Variants in UNC5C observed in about 807,000 individuals in gnomAD.
The protein encoded by UNC5C is netrin receptor UNC5C.
Under a neutral mutation model 99.8 loss-of-function variants are expected in UNC5C, and 47 were observed. The observed-to-expected ratio is 0.47, with a 90% confidence interval of 0.37 to 0.60. The LOEUF (loss-of-function observed/expected upper bound fraction) is 0.60, where lower values mean the gene tolerates loss of function less well. UNC5C is among the 20% of genes least tolerant of loss of function. The pLI is 0.00. For missense variants in UNC5C, 1,062 were observed against 1,165.9 expected (o/e 0.91, Z 1.30); for synonymous variants, 487 against 452.2 (o/e 1.08, Z -0.98).
chr4:95,502,777 C>T (rs1721810136), intron 1 of UNC5C, among the ~76,000 whole-genome samples: 1 of 152,040 alleles, frequency 6.6e-6, no homozygotes, highest in Admixed American at 6.6e-5. Context: ...CTGTAACTTC[C>T]TCTTAGGGAA....
chr4:95,437,585 A>T (rs1746830805), intron 1 of UNC5C, among the ~76,000 whole-genome samples: 1 of 152,058 alleles, frequency 6.6e-6, no homozygotes, highest in Non-Finnish European at 1.5e-5. Flanking sequence ...AAAATAAGAA[A>T]CTATAAAATA....
intron 1 of UNC5C, among the ~76,000 whole-genome samples, chr4:95,433,584 T>C (rs76119048): frequency 0.038 from 5,724 of 152,202 alleles, 367 homozygotes; most frequent in African/African-American, 0.13. Flanking sequence ...TTTTATCTTT[T>C]TGATGCATTT....
At chr4:95,238,876 C>T (rs1037163619) in intron 7 of UNC5C, among the ~76,000 whole-genome samples, 2 of 152,174 alleles carry the variant, frequency 1.3e-5, no homozygotes, top group Non-Finnish European at 2.9e-5. Flanking sequence ...ATGCCTTCCT[C>T]TCTAGACATT....
chr4:95,237,424 A>G (rs963337720), intron 7 of UNC5C, among the ~76,000 whole-genome samples: 4 of 152,194 alleles, frequency 2.6e-5, no homozygotes, highest in East Asian at 3.8e-4. Flanking sequence ...GCATTATTAT[A>G]TCTTTAAAGT....
chr4:95,462,179 C>G (rs535702092), intron 1 of UNC5C, among the ~76,000 whole-genome samples: 1 of 152,082 alleles, frequency 6.6e-6, no homozygotes, highest in African/African-American at 2.4e-5. Context: ...CACTTTCCCC[C>G]CCTTTCTCTT....
intron 3 of UNC5C, among the ~76,000 whole-genome samples, chr4:95,292,269 A>AAT (rs1560773143): frequency 1.8e-4 from 21 of 115,542 alleles, no homozygotes; most frequent in South Asian, 5.3e-4. Flanking sequence ...ATATATATAA[A>AAT]TTTTTTTTGT....
At chr4:95,546,191 T>G (rs865983190) in intron 1 of UNC5C, among the ~76,000 whole-genome samples, 30 of 152,318 alleles carry the variant, frequency 2.0e-4, no homozygotes, top group Non-Finnish European at 2.9e-4. Flanking sequence ...AAGAAATAGT[T>G]CATTTGGATC....
chr4:95,438,721 A>G (rs555357428), intron 1 of UNC5C, among the ~76,000 whole-genome samples: 19 of 152,268 alleles, frequency 1.2e-4, no homozygotes, highest in Admixed American at 2.6e-4. Context: ...GATTATTTCC[A>G]TTCTGCATCT....
intron 4 of UNC5C, among the ~76,000 whole-genome samples, chr4:95,266,165 G>A (rs898621723): frequency 1.3e-5 from 2 of 152,182 alleles, no homozygotes; most frequent in Non-Finnish European, 2.9e-5. Context: ...ATAGGTAGTG[G>A]TTTATGAGTC....
intron 1 of UNC5C, among the ~76,000 whole-genome samples, chr4:95,376,549 T>C (rs1376066974): frequency 2.0e-5 from 3 of 152,126 alleles, no homozygotes; most frequent in African/African-American, 7.2e-5. Context: ...TTTAAATAAC[T>C]CTTTCCAAGT....
intron 1 of UNC5C, among the ~76,000 whole-genome samples, chr4:95,384,634 G>A (rs974057981): frequency 6.6e-6 from 1 of 152,168 alleles, no homozygotes; most frequent in African/African-American, 2.4e-5. Flanking sequence ...ATCCTGGCAG[G>A]AGGTCATTAA....
At chr4:95,508,610 C>A (rs974424420) in intron 1 of UNC5C, among the ~76,000 whole-genome samples, 1 of 151,748 alleles carries the variant, frequency 6.6e-6, no homozygotes. Flanking sequence ...GATGTGTTTT[C>A]GTTTCTCTCC....
chr4:95,256,988 G>GA (rs2149384815), intron 4 of UNC5C, among the ~76,000 whole-genome samples: 1 of 151,978 alleles, frequency 6.6e-6, no homozygotes, highest in Non-Finnish European at 1.5e-5. Context: ...GATAGATGGT[G>GA]CTCACCCAGA....
At chr4:95,279,043 T>C (rs10010041) in intron 3 of UNC5C, among the ~76,000 whole-genome samples, 90,233 of 151,948 alleles carry the variant, frequency 0.59, 26,880 homozygotes, top group East Asian at 0.84. Flanking sequence ...GATTCCCTTA[T>C]GTATATACAT....
chr4:95,514,987 T>C (rs1339578953), intron 1 of UNC5C, among the ~76,000 whole-genome samples: 1 of 152,104 alleles, frequency 6.6e-6, no homozygotes, highest in Non-Finnish European at 1.5e-5. Flanking sequence ...TGAGGAGATA[T>C]TTAAATGGTG....
At chr4:95,228,558 A>G (rs2149371970) in intron 7 of UNC5C, among the ~76,000 whole-genome samples, 1 of 152,282 alleles carries the variant, frequency 6.6e-6, no homozygotes, top group Middle Eastern at 3.4e-3. Context: ...TGGTAAAGGG[A>G]TTTGTCTAAC....
intron 14 of UNC5C, among the ~76,000 whole-genome samples, chr4:95,170,991 T>A (rs943638749): frequency 6.6e-6 from 1 of 152,260 alleles, no homozygotes; most frequent in African/African-American, 2.4e-5. Flanking sequence ...TCCTTATTTT[T>A]TAAAAATCTA....
chr4:95,256,153 T>A (rs1232945160), intron 4 of UNC5C, among the ~76,000 whole-genome samples: 1 of 152,090 alleles, frequency 6.6e-6, no homozygotes, highest in Non-Finnish European at 1.5e-5. Context: ...GTCCTTGGAA[T>A]TCTGCTGCTT....
rs1171870515 is a variant in UNC5C, at chr4:95,400,384, C to CTTTTTTTTTTTT, written c.125-64765_125-64754dup. On this transcript the variant is annotated intron_variant, in intron 1 of 15. Transcript: ENST00000453304. The stretch of plus-strand genomic sequence containing the variant: ...TTCCACAGCCACAGTGAGATGAATT[C>CTTTTTTTTTTTT]TTTTTTTTTTTTTTTTTTTTTTTTT... Among the ~76,000 whole-genome samples, 11 of 65,792 alleles carry CTTTTTTTTTTTT rather than the reference C, an allele frequency of 1.7e-4. 1 individual carries two copies. Among genetic ancestry groups the CTTTTTTTTTTTT allele is most frequent in the African/African-American group, 3.0e-4 (5 of 16,792 alleles). 43.2% of individuals were successfully genotyped at this position (65,792 alleles called of 152,430 possible).
Sources: gnomAD v4.1 joint callset for allele counts (sites outside exome capture counted in the v4.1 genomes callset) on GRCh38, gnomAD v4.1.1 for gene constraint, MANE v1.5 for transcripts, NCBI Gene and HGNC (gene_info 2026-07-23, HGNC 2026-07-21) for gene names.